COL25A1: variants seen among roughly 807,000 people sequenced by gnomAD.
COL25A1 encodes the protein collagen alpha-1(XXV) chain.
A neutral mutation model predicts 128.4 loss-of-function variants in COL25A1; 103 were observed. The ratio of observed to expected loss-of-function variants is 0.80; its 90% confidence interval spans 0.68 to 0.94. COL25A1 has a LOEUF of 0.94. Ranked by LOEUF, COL25A1 falls within the 40% of genes least tolerant of loss-of-function variation. COL25A1 has a pLI of 0.00. For missense variants in COL25A1, 745 were observed against 840.0 expected, an observed-to-expected ratio of 0.89 and a Z score of 1.40; for synonymous variants, 279 against 277.2, an observed-to-expected ratio of 1.01 and a Z score of -0.06.
At chr4:109,280,461 A>G (rs1723270540) in intron 3 of COL25A1, among the ~76,000 whole-genome samples, 2 of 152,226 alleles carry the variant, frequency 1.3e-5, no homozygotes, top group African/African-American at 4.8e-5. Context: ...AGAACGTTCT[A>G]ACAAATACAA....
chr4:109,205,571 A>G (rs773022538), intron 3 of COL25A1, among the ~76,000 whole-genome samples: 2 of 152,148 alleles, frequency 1.3e-5, no homozygotes, highest in African/African-American at 2.4e-5. Flanking sequence ...CAGATCAAAT[A>G]CAGAAGACAT....
chr4:108,941,034 A>T (rs895517127), intron 9 of COL25A1, among the ~76,000 whole-genome samples: 1 of 152,252 alleles, frequency 6.6e-6, no homozygotes, highest in African/African-American at 2.4e-5. Context: ...TGTTTACTTT[A>T]AATTAAGCAT....
chr4:108,968,213 A>T (rs116310948), intron 8 of COL25A1, among the ~76,000 whole-genome samples: 228 of 152,272 alleles, frequency 1.5e-3, no homozygotes, highest in Non-Finnish European at 1.7e-3. Flanking sequence ...TAGGCCTGAA[A>T]TTGGTTCAAT....
intron 3 of COL25A1, among the ~76,000 whole-genome samples, chr4:109,093,472 A>ACAAAAAAAAC (rs1553931040): frequency 2.1e-5 from 3 of 145,468 alleles, no homozygotes; most frequent in Non-Finnish European, 3.0e-5. Context: ...AAAAAAAAAA[A>ACAAAAAAAAC]AAAACCTTTT....
intron 3 of COL25A1, among the ~76,000 whole-genome samples, chr4:109,080,606 G>A (rs927330020): frequency 6.6e-6 from 1 of 152,118 alleles, no homozygotes; most frequent in Non-Finnish European, 1.5e-5. Context: ...GAACAATGAT[G>A]AGCAGTGATA....
intron 5 of COL25A1, among the ~76,000 whole-genome samples, chr4:109,015,960 A>G (rs1301569980): frequency 1.3e-5 from 2 of 152,164 alleles, no homozygotes; most frequent in African/African-American, 4.8e-5. Flanking sequence ...CCAGGGCTGT[A>G]TGCTCCATGA....
intron 3 of COL25A1, among the ~76,000 whole-genome samples, chr4:109,261,346 A>C (rs56167777): frequency 6.6e-6 from 1 of 152,110 alleles, no homozygotes; most frequent in African/African-American, 2.4e-5. Flanking sequence ...ACGAAACCTC[A>C]TCTCTACTAA....
At chr4:109,118,922 C>T (rs890100561) in intron 3 of COL25A1, among the ~76,000 whole-genome samples, 2 of 151,990 alleles carry the variant, frequency 1.3e-5, no homozygotes, top group African/African-American at 2.4e-5. Flanking sequence ...ACACATTCTT[C>T]TCAATTTCAC....
At chr4:108,834,334 C>T in intron 31 of COL25A1, 1 of 1,550,152 alleles carries the variant, frequency 6.5e-7, no homozygotes, top group Non-Finnish European at 8.7e-7. Context: ...CATGTCAGAG[C>T]AAGACAAGGG....
At chr4:109,152,805 A>G (rs1043666548) in intron 3 of COL25A1, among the ~76,000 whole-genome samples, 4 of 152,222 alleles carry the variant, frequency 2.6e-5, no homozygotes, top group African/African-American at 9.6e-5. Context: ...TATATGAGGT[A>G]CCTACAGTAG....
chr4:109,093,231 C>T (rs376675909), intron 3 of COL25A1, among the ~76,000 whole-genome samples: 32 of 152,106 alleles, frequency 2.1e-4, no homozygotes, highest in African/African-American at 7.2e-4. Flanking sequence ...ATTATCTTTG[C>T]CCCCCTATTT....
chr4:109,248,040 G>A (rs1016533403), intron 3 of COL25A1, among the ~76,000 whole-genome samples: 24 of 151,958 alleles, frequency 1.6e-4, no homozygotes, highest in Admixed American at 1.3e-3. Context: ...AGAAAAACCC[G>A]TATTGTCCCA....
chr4:108,958,131 T>C (rs910663585), intron 8 of COL25A1, among the ~76,000 whole-genome samples: 1 of 152,140 alleles, frequency 6.6e-6, no homozygotes, highest in African/African-American at 2.4e-5. Context: ...TTTATTTTTA[T>C]ATCAAGGTGG....
chr4:108,945,386 G>A (rs1355286912), intron 8 of COL25A1, among the ~76,000 whole-genome samples: 1 of 152,134 alleles, frequency 6.6e-6, no homozygotes, highest in Admixed American at 6.5e-5. Context: ...TTCAGTACAG[G>A]TGTTGACACC....
intron 3 of COL25A1, among the ~76,000 whole-genome samples, chr4:109,169,232 C>G (rs1281900297): frequency 6.6e-6 from 1 of 152,144 alleles, no homozygotes; most frequent in African/African-American, 2.4e-5. Context: ...CTAAATCCTT[C>G]TGTACATACA....
chr4:108,874,842 T>C (rs757781917), intron 19 of COL25A1, among the ~76,000 whole-genome samples: 3 of 152,210 alleles, frequency 2.0e-5, no homozygotes, highest in Non-Finnish European at 2.9e-5. Flanking sequence ...ATAAGTTGGG[T>C]AGAGCACCAA....
intron 3 of COL25A1, among the ~76,000 whole-genome samples, chr4:109,250,516 C>T (rs548382263): frequency 2.0e-5 from 3 of 152,198 alleles, no homozygotes; most frequent in South Asian, 2.1e-4. Flanking sequence ...GGTATAGTTT[C>T]GGTTCAAGTC....
intron 3 of COL25A1, among the ~76,000 whole-genome samples, chr4:109,290,835 TC>T (rs2126284659): frequency 6.6e-6 from 1 of 152,248 alleles, no homozygotes; most frequent in East Asian, 1.9e-4. Context: ...TTCAAAGCCA[TC>T]CTGGGCCACA....
chr4:109,226,661 T>A (rs192391045), intron 3 of COL25A1, among the ~76,000 whole-genome samples: 1 of 151,912 alleles, frequency 6.6e-6, no homozygotes, highest in Non-Finnish European at 1.5e-5. Context: ...AAAATCATAA[T>A]CCTAAAAGAT....
Sources: gnomAD v4.1 joint callset for allele counts (sites outside exome capture counted in the v4.1 genomes callset) on GRCh38, gnomAD v4.1.1 for gene constraint, MANE v1.5 for transcripts, NCBI Gene and HGNC (gene_info 2026-07-23, HGNC 2026-07-21) for gene names.